Variants in FBXW10B observed in about 807,000 individuals in gnomAD.
FBXW10B encodes F-box and WD repeat domain containing protein 10B.
At chr17:15,617,838 G>C in the FBXW10B span, among the ~76,000 whole-genome samples, 4 of 152,270 alleles carry the variant, frequency 2.6e-5, no homozygotes, top group Non-Finnish European at 5.9e-5. Context: ...CTTTTCCTTA[G>C]AAATTTCCTT....
chr17:15,619,102 A>G, the FBXW10B span: 2 of 1,613,948 alleles, frequency 1.2e-6, no homozygotes, highest in Non-Finnish European at 1.7e-6. Context: ...GCAGTAAGAG[A>G]GTATAATTCG....
chr17:15,618,474 C>T, the FBXW10B span, among the ~76,000 whole-genome samples: 1 of 151,782 alleles, frequency 6.6e-6, no homozygotes. Flanking sequence ...ACTTATTTGG[C>T]CCTTAAGCTA....
the FBXW10B span, among the ~76,000 whole-genome samples, chr17:15,579,641 TCTAAA>T: frequency 6.6e-6 from 1 of 152,250 alleles, no homozygotes; most frequent in African/African-American, 2.4e-5. Flanking sequence ...TTAATTTTTG[TCTAAA>T]CTAATTACCT....
At chr17:15,609,415 A>G in the FBXW10B span, among the ~76,000 whole-genome samples, 2 of 152,126 alleles carry the variant, frequency 1.3e-5, no homozygotes, top group African/African-American at 4.8e-5. Flanking sequence ...CCTGAATTAA[A>G]TAATGCCGCC....
chr17:15,591,075 C>T, the FBXW10B span, among the ~76,000 whole-genome samples: 127 of 150,972 alleles, frequency 8.4e-4, 3 homozygotes, highest in Admixed American at 8.3e-3. Flanking sequence ...GTCCTAGGGC[C>T]CAGGTTCTTG....
At chr17:15,573,852 T>A in the FBXW10B span, 1 of 242,900 alleles carries the variant, frequency 4.1e-6, no homozygotes, top group Non-Finnish European at 5.9e-6. Flanking sequence ...TTTTCTATAA[T>A]TTTTTTTTGC....
chr17:15,589,885 G>A, the FBXW10B span, among the ~76,000 whole-genome samples: 3 of 152,138 alleles, frequency 2.0e-5, no homozygotes, highest in East Asian at 3.9e-4. Flanking sequence ...TTACAAATGC[G>A]ATTACACCTT....
At chr17:15,567,930 G>A in the FBXW10B span, among the ~76,000 whole-genome samples, 2 of 151,434 alleles carry the variant, frequency 1.3e-5, no homozygotes, top group African/African-American at 4.9e-5. Context: ...ATGGGGAGAA[G>A]TAAGCAAAAA....
chr17:15,598,829 G>A, the FBXW10B span: 2 of 1,183,228 alleles, frequency 1.7e-6, no homozygotes, highest in Non-Finnish European at 2.3e-6. Context: ...GTAACTTTGA[G>A]GAAGTTAATT....
the FBXW10B span, chr17:15,594,948 G>A: frequency 1.9e-6 from 3 of 1,604,500 alleles, no homozygotes; most frequent in African/African-American, 2.7e-5. Context: ...AAGAACCAAA[G>A]CTGAGCCTTC....
chr17:15,572,169 A>G, the FBXW10B span: 7 of 151,000 alleles, frequency 4.6e-5, no homozygotes, highest in African/African-American at 1.7e-4. Flanking sequence ...TCTGTTTTAG[A>G]CTAGATTTTC....
the FBXW10B span, chr17:15,615,524 A>G: frequency 6.8e-7 from 1 of 1,476,920 alleles, no homozygotes; most frequent in Non-Finnish European, 9.0e-7. Flanking sequence ...CATGTTAGCC[A>G]GGATGGTCTC....
the FBXW10B span, chr17:15,568,986 T>C: frequency 8.2e-7 from 1 of 1,224,872 alleles, no homozygotes. Flanking sequence ...CCTCCTTCCA[T>C]CTGTCTTCCA....
At chr17:15,567,819 A>T in the FBXW10B span, among the ~76,000 whole-genome samples, 1 of 152,374 alleles carries the variant, frequency 6.6e-6, no homozygotes, top group Non-Finnish European at 1.5e-5. Flanking sequence ...AGAGAATTAT[A>T]GAGTTGTTTA....
At chr17:15,580,153 G>A in the FBXW10B span, among the ~76,000 whole-genome samples, 1 of 151,824 alleles carries the variant, frequency 6.6e-6, no homozygotes, top group African/African-American at 2.4e-5. Context: ...TTGCATGCGT[G>A]AGTGAATGAA....
chr17:15,599,372 C>T, the FBXW10B span, among the ~76,000 whole-genome samples: 2 of 133,364 alleles, frequency 1.5e-5, no homozygotes, highest in African/African-American at 5.9e-5. Context: ...TGCTGCTAAA[C>T]ATCCTACATT....
the FBXW10B span, among the ~76,000 whole-genome samples, chr17:15,603,421 T>C: frequency 1.3e-5 from 2 of 152,070 alleles, no homozygotes; most frequent in African/African-American, 4.8e-5. Flanking sequence ...ATTGTATTGG[T>C]TCTGTTTCTC....
At chr17:15,580,912 A>G in the FBXW10B span, among the ~76,000 whole-genome samples, 1 of 152,106 alleles carries the variant, frequency 6.6e-6, no homozygotes, top group Non-Finnish European at 1.5e-5. Context: ...ACATCATTGT[A>G]TTTAATTCTT....
At chr17:15,590,546 T>C in the FBXW10B span, among the ~76,000 whole-genome samples, 12 of 148,062 alleles carry the variant, frequency 8.1e-5, no homozygotes, top group South Asian at 2.2e-3. Context: ...TGGTTTATAG[T>C]TGACCTTCAC....
Sources: gnomAD v4.1 joint callset for allele counts (sites outside exome capture counted in the v4.1 genomes callset) on GRCh38, gnomAD v4.1.1 for gene constraint, MANE v1.5 for transcripts, NCBI Gene and HGNC (gene_info 2026-07-23, HGNC 2026-07-21) for gene names.